GRM7: variants seen among roughly 807,000 people sequenced by gnomAD.
GRM7 encodes the protein glutamate metabotropic receptor 7, also known as metabotropic glutamate receptor 7.
A neutral mutation model predicts 84.5 loss-of-function variants in GRM7; 35 were observed. The ratio of observed to expected loss-of-function variants is 0.41; its 90% CI spans 0.32 to 0.55. The LOEUF is 0.55. Among genes scored for constraint, GRM7 ranks in the 20% least tolerant of loss-of-function variants. The pLI is 0.19. For synonymous variants in GRM7, 487 were observed against 455.1 expected (o/e 1.07, Z -0.89); for missense variants, 1,003 against 1,194.6 (o/e 0.84, Z 2.36).
intron 1 of GRM7, among the ~76,000 whole-genome samples, chr3:6,891,592 C>T (rs11711547): frequency 0.064 from 9,813 of 152,160 alleles, 437 homozygotes; most frequent in East Asian, 0.19. Context: ...GAGTTTCTGC[C>T]GAGAGATCCA....
At chr3:6,946,744 G>T (rs1205450734) in intron 1 of GRM7, among the ~76,000 whole-genome samples, 7 of 152,064 alleles carry the variant, frequency 4.6e-5, no homozygotes, top group African/African-American at 1.7e-4. Context: ...ATTGAGCAGT[G>T]GTTTGTAGTT....
chr3:7,503,709 T>G (rs1170204087), intron 7 of GRM7, among the ~76,000 whole-genome samples: 5 of 152,280 alleles, frequency 3.3e-5, no homozygotes, highest in African/African-American at 1.2e-4. Context: ...CACTGTTGTT[T>G]TTTAAATCCT....
intron 8 of GRM7, among the ~76,000 whole-genome samples, chr3:7,656,726 A>C (rs1446244728): frequency 6.6e-6 from 1 of 152,012 alleles, no homozygotes; most frequent in East Asian, 1.9e-4. Context: ...ATTACCACCT[A>C]CCTCAGGAAT....
chr3:7,439,912 T>C (rs1191756431), intron 5 of GRM7, among the ~76,000 whole-genome samples: 1 of 152,002 alleles, frequency 6.6e-6, no homozygotes, highest in Non-Finnish European at 1.5e-5. Flanking sequence ...TTCTGCTTAA[T>C]AGAGCCTTAG....
chr3:7,163,062 C>T (rs750109584), intron 2 of GRM7, among the ~76,000 whole-genome samples: 1 of 151,708 alleles, frequency 6.6e-6, no homozygotes, highest in Non-Finnish European at 1.5e-5. Flanking sequence ...GCCCAGCCTA[C>T]TCTTCTAGTT....
At chr3:7,015,887 C>T (rs969222882) in intron 1 of GRM7, among the ~76,000 whole-genome samples, 2 of 152,182 alleles carry the variant, frequency 1.3e-5, no homozygotes, top group Admixed American at 6.5e-5. Flanking sequence ...GTTACTCCTA[C>T]CTTACTGTGT....
chr3:7,531,086 T>G (rs1235382887), intron 7 of GRM7, among the ~76,000 whole-genome samples: 2 of 152,210 alleles, frequency 1.3e-5, no homozygotes, highest in African/African-American at 4.8e-5. Flanking sequence ...AGGTCTTATG[T>G]TTAAGTCTTT....
At chr3:6,994,800 T>C (rs538546652) in intron 1 of GRM7, among the ~76,000 whole-genome samples, 73 of 152,212 alleles carry the variant, frequency 4.8e-4, no homozygotes, top group Non-Finnish European at 7.1e-4. Context: ...AAAATAATTG[T>C]TGTTGTTTTT....
intron 1 of GRM7, among the ~76,000 whole-genome samples, chr3:6,997,381 G>A (rs1694861469): frequency 6.6e-6 from 1 of 152,126 alleles, no homozygotes; most frequent in Admixed American, 6.5e-5. Flanking sequence ...TCACAGTTCT[G>A]CAGGGCTGGG....
intron 5 of GRM7, among the ~76,000 whole-genome samples, chr3:7,446,201 A>C (rs6771707): frequency 0.36 from 54,868 of 152,052 alleles, 11,180 homozygotes; most frequent in Non-Finnish European, 0.48. Context: ...ACAAGTGTAC[A>C]CAGCTTCAGA....
chr3:7,049,143 A>G (rs1249020662), intron 1 of GRM7, among the ~76,000 whole-genome samples: 2 of 152,030 alleles, frequency 1.3e-5, no homozygotes, highest in East Asian at 1.9e-4. Flanking sequence ...AGAGTTCACT[A>G]TATTCCTATG....
intron 2 of GRM7, among the ~76,000 whole-genome samples, chr3:7,235,499 G>A (rs895202662): frequency 2.0e-5 from 3 of 152,074 alleles, no homozygotes. Context: ...TATTGATTGG[G>A]CCTTGTCTCC....
At chr3:7,131,516 G>T (rs1693597871) in intron 1 of GRM7, among the ~76,000 whole-genome samples, 1 of 152,040 alleles carries the variant, frequency 6.6e-6, no homozygotes, top group Non-Finnish European at 1.5e-5. Context: ...GTCTCACTCT[G>T]TTGCCAGGTT....
chr3:7,111,987 G>A (rs1474975261), intron 1 of GRM7, among the ~76,000 whole-genome samples: 1 of 152,004 alleles, frequency 6.6e-6, no homozygotes, highest in Non-Finnish European at 1.5e-5. Flanking sequence ...TTCCTTAGCT[G>A]CCCATTATTT....
chr3:7,210,375 T>G (rs910988613), intron 2 of GRM7, among the ~76,000 whole-genome samples: 2 of 152,198 alleles, frequency 1.3e-5, no homozygotes, highest in Non-Finnish European at 2.9e-5. Context: ...TTCAGCATGC[T>G]GATGAGGCTT....
chr3:7,739,585 CTT>C (rs1702621775), intron 9 of GRM7, among the ~76,000 whole-genome samples: 1 of 152,178 alleles, frequency 6.6e-6, no homozygotes, highest in Admixed American at 6.5e-5. Context: ...ATCCTGGTGT[CTT>C]TGTTTCCAGC....
At chr3:7,072,673 T>A (rs1697925860) in intron 1 of GRM7, among the ~76,000 whole-genome samples, 1 of 152,050 alleles carries the variant, frequency 6.6e-6, no homozygotes, top group Non-Finnish European at 1.5e-5. Flanking sequence ...TGAGACAGAC[T>A]GAGACCCTGT....
chr3:7,083,596 T>C (rs998200504), intron 1 of GRM7, among the ~76,000 whole-genome samples: 1 of 152,150 alleles, frequency 6.6e-6, no homozygotes, highest in Non-Finnish European at 1.5e-5. Context: ...TAGGCCTGCA[T>C]TCATTTATGT....
chr3:7,260,675 G>T (rs1164980535), intron 2 of GRM7, among the ~76,000 whole-genome samples: 4 of 148,330 alleles, frequency 2.7e-5, no homozygotes, highest in African/African-American at 1.0e-4. Context: ...CTTTTGAATT[G>T]TGTGTGTGTG....
Sources: allele counts gnomAD v4.1 joint callset (sites outside exome capture counted in the v4.1 genomes callset), GRCh38; gene constraint gnomAD v4.1.1; transcripts MANE v1.5; gene names NCBI Gene and HGNC (gene_info 2026-07-23, HGNC 2026-07-21).